MKKS: variants seen among roughly 807,000 people sequenced by gnomAD.
MKKS encodes MKKS centrosomal shuttling protein.
Under a neutral mutation model 33.2 loss-of-function variants are expected in MKKS, and 29 were observed. That is an observed-to-expected ratio of 0.87 (90% CI 0.65 to 1.19). The LOEUF (loss-of-function observed/expected upper bound fraction) is 1.19, where lower values mean the gene tolerates loss of function less well. MKKS is among the 50% of genes most tolerant of loss of function. The pLI, the probability that MKKS is intolerant of heterozygous loss-of-function variation, is 0.00. For synonymous variants in MKKS, 260 were observed against 244.0 expected, an observed-to-expected ratio of 1.07 and a Z score of -0.61; for missense variants, 661 against 662.3, an observed-to-expected ratio of 1.00 and a Z score of 0.02.
intron 1 of MKKS, among the ~76,000 whole-genome samples, chr20:10,431,438 G>C (rs1459301388): frequency 6.6e-6 from 1 of 152,078 alleles, no homozygotes; most frequent in Non-Finnish European, 1.5e-5. Flanking sequence ...GAAGAGTAAG[G>C]CATGATTCTT....
chr20:10,410,499 C>T lies in MKKS; in HGVS notation c.986-1696G>A, dbSNP rs889863263. Among the ~76,000 whole-genome samples the T allele has an allele frequency of 7.2e-5, 11 of 152,006 alleles. No homozygotes were observed. The South Asian group carries it at 1.0e-3, about 14-fold the overall frequency. On this transcript the variant is annotated intron_variant, in intron 3 of 5. Coordinates refer to ENST00000347364, the MANE Select transcript of MKKS (RefSeq NM_170784.3). ...ACAAAAAACTAGCCAGGCGTGGTGG[C>T]GTGTGCCTGTAGTTCCAGCTACTAG... is the stretch of plus-strand genomic sequence containing the variant.
At chr20:10,410,271 T>G (rs891036255) in intron 3 of MKKS, among the ~76,000 whole-genome samples, 3 of 152,090 alleles carry the variant, frequency 2.0e-5, no homozygotes, top group Admixed American at 1.3e-4. Flanking sequence ...TCTGCCTCCC[T>G]CACATGAGAG....
chr20:10,416,944 C>T (rs1364527887), intron 2 of MKKS, among the ~76,000 whole-genome samples: 2 of 152,098 alleles, frequency 1.3e-5, no homozygotes, highest in East Asian at 3.9e-4. Flanking sequence ...ATATGATCTG[C>T]AAAGCCTAAA....
chr20:10,410,847 C>T (rs2064879472), intron 3 of MKKS, among the ~76,000 whole-genome samples: 1 of 151,998 alleles, frequency 6.6e-6, no homozygotes, highest in Admixed American at 6.6e-5. Flanking sequence ...GGTAGTTTTC[C>T]CCCTTTTCTT....
At chr20:10,411,470 C>A (rs533146748) in intron 3 of MKKS, among the ~76,000 whole-genome samples, 2 of 152,150 alleles carry the variant, frequency 1.3e-5, no homozygotes, top group South Asian at 4.2e-4. Flanking sequence ...CTGGAAATTG[C>A]CAGATTCATG....
At chr20:10,409,659 T>G (rs2064866411) in intron 3 of MKKS, among the ~76,000 whole-genome samples, 1 of 152,050 alleles carries the variant, frequency 6.6e-6, no homozygotes, top group Admixed American at 6.6e-5. Context: ...TCTTTCAAAC[T>G]AATGGGGTTT....
Position 10,408,773 on chromosome 20 carries a change from A to ATTG in MKKS, c.1013_1015dup (p.Ser338_Ile339insThr), listed in dbSNP as rs780473340. On this transcript the variant is annotated inframe_insertion, in exon 4 of 6. Transcript: ENST00000347364. ...CACACTTCCATAACTATTAGGACAT[A>ATTG]TTGAGCCTAGGGATCCAATAGGCTG... 3 of 1,613,814 alleles carry ATTG rather than the reference A, an allele frequency of 1.9e-6. No individual in the cohort carries two copies. The highest frequency in any genetic ancestry group is 1.7e-6 in the Non-Finnish European group (2 of 1,179,810).
chr20:10,408,929 C>T, intron 3 of MKKS, 126 bp from the exon 4 acceptor site: 1 of 693,940 alleles, frequency 1.4e-6, no homozygotes, highest in Non-Finnish European at 2.4e-6. Flanking sequence ...ATATGAAATA[C>T]AGGATAAATA....
intron 1 of MKKS, among the ~76,000 whole-genome samples, chr20:10,423,075 A>G (rs1219911461): frequency 6.6e-6 from 1 of 152,106 alleles, no homozygotes; most frequent in Non-Finnish European, 1.5e-5. Flanking sequence ...CATGATCATT[A>G]ACATAATTCA....
chr20:10,417,683 AT>A (rs1318005777), intron 2 of MKKS, among the ~76,000 whole-genome samples: 4 of 148,068 alleles, frequency 2.7e-5, no homozygotes, highest in African/African-American at 7.5e-5. Flanking sequence ...AAAAAAAAAA[AT>A]CAACATCATC....
rs1241449462 is a variant in MKKS, at chr20:10,412,942, T to G, written c.573A>C (p.Glu191Asp). The G allele has an allele frequency of 6.2e-7, 1 of 1,613,874 alleles. No individual in the cohort carries two copies. Among genetic ancestry groups the G allele is most frequent in the Non-Finnish European group, 8.5e-7 (1 of 1,179,908 alleles). The change falls in exon 3 of 6, where the codon GAA (glutamate) becomes GAC (aspartate). Residue 191 changes from glutamate (E) to aspartate (D), a missense_variant. Physicochemically the swap from Glu to Asp is conservative, Grantham distance 45. Coordinates refer to ENST00000347364, the MANE Select transcript of MKKS (RefSeq NM_170784.3). ...AFLLTIPENAEGHIILGKSLI... is the reference protein window; with the variant it reads ...AFLLTIPENADGHIILGKSLI... ...AACTCTTTCCTAAAATGATGTGGCCTTCAGCATTTTCTGGAATTGTAAGCA... is the reference window on the plus strand; with the variant it reads ...AACTCTTTCCTAAAATGATGTGGCCGTCAGCATTTTCTGGAATTGTAAGCA...
At chr20:10,429,315 T>C (rs1027303080) in intron 1 of MKKS, among the ~76,000 whole-genome samples, 7 of 152,198 alleles carry the variant, frequency 4.6e-5, no homozygotes, top group African/African-American at 1.7e-4. Context: ...TAGTCTCCTT[T>C]AATAGCCTGC....
intron 2 of MKKS, among the ~76,000 whole-genome samples, chr20:10,415,096 T>C (rs1285329072): frequency 6.6e-6 from 1 of 152,158 alleles, no homozygotes; most frequent in Non-Finnish European, 1.5e-5. Flanking sequence ...GTAGTGTCCT[T>C]GCTAAAAAAA....
At chr20:10,427,493 C>T (rs2065024144) in intron 1 of MKKS, among the ~76,000 whole-genome samples, 2 of 152,072 alleles carry the variant, frequency 1.3e-5, no homozygotes, top group South Asian at 4.2e-4. Flanking sequence ...TTGTACTATG[C>T]CTTTTCTTTT....
At chr20:10,411,056 G>A (rs1159762308) in intron 3 of MKKS, among the ~76,000 whole-genome samples, 3 of 150,676 alleles carry the variant, frequency 2.0e-5, no homozygotes, top group Admixed American at 1.3e-4. Flanking sequence ...GCGCAATCTC[G>A]GTTCACTGCA....
rs144846225 is a variant in MKKS at position 10,417,533 on chromosome 20, C to T, written c.-418+2995G>A. Among the ~76,000 whole-genome samples the T allele has an allele frequency of 4.1e-4, 63 of 152,224 alleles. No individual in the cohort carries two copies. The East Asian group carries it at 0.012, about 29-fold the overall frequency. The stretch of plus-strand genomic sequence containing the variant: ...TGCTGAGGCTGGAGGATGGCCTGTG[C>T]CCAAGAGTTTGAGGCTGCAGTGAGC... On this transcript the variant is annotated intron_variant, in intron 2 of 5. Transcript: ENST00000347364.
rs2064814644 is a variant in MKKS at position 10,402,242 on chromosome 20, A to G, written c.*3005T>C. 1 of 152,146 alleles carries G rather than the reference A, an allele frequency of 6.6e-6. No homozygotes were observed. Among genetic ancestry groups the G allele is most frequent in the Admixed American group, 6.5e-5 (1 of 15,278 alleles). 9.4% of individuals were successfully genotyped at this position (152,146 alleles called of 1,614,324 possible). On this transcript the variant is annotated 3_prime_UTR_variant, in exon 6 of 6. Transcript: ENST00000347364. ...AATATTCAGACCTCAATCTTACTTT[A>G]AGTCACAAAACACTGCCTGAGGCTT... is the stretch of plus-strand genomic sequence containing the variant.
intron 1 of MKKS, among the ~76,000 whole-genome samples, chr20:10,426,428 G>A (rs2065015134): frequency 6.6e-6 from 1 of 152,122 alleles, no homozygotes; most frequent in African/African-American, 2.4e-5. Flanking sequence ...CTTTTTTTGG[G>A]ACAGTCTCAC....
At chr20:10,412,449 G>T in intron 3 of MKKS, 81 bp downstream of exon 3, 1 of 1,421,058 alleles carries the variant, frequency 7.0e-7, no homozygotes, top group Non-Finnish European at 9.8e-7. Context: ...GATGTTAACA[G>T]TGACACAAAC....
Sources: allele counts gnomAD v4.1 joint callset (sites outside exome capture counted in the v4.1 genomes callset), GRCh38; gene constraint gnomAD v4.1.1; transcripts MANE v1.5; gene names NCBI Gene and HGNC (gene_info 2026-07-23, HGNC 2026-07-21).